Variants in ZHX3 observed in about 807,000 individuals in gnomAD.
ZHX3 encodes zinc fingers and homeoboxes 3.
ZHX3 carries 20 observed loss-of-function variants against 64.5 expected under a neutral mutation model. That is an observed-to-expected ratio of 0.31 (90% CI 0.22 to 0.45). The LOEUF is 0.45. Ranked by LOEUF, ZHX3 falls within the 20% of genes least tolerant of loss-of-function variation. The pLI, the probability that ZHX3 is intolerant of heterozygous loss-of-function variation, is 1.00. For missense variants in ZHX3, 1,041 were observed against 1,195.8 expected, an observed-to-expected ratio of 0.87 and a Z score of 1.91; for synonymous variants, 423 against 461.6, an observed-to-expected ratio of 0.92 and a Z score of 1.07.
At chr20:41,315,552 T>C (rs1459963293) in intron 1 of ZHX3, among the ~76,000 whole-genome samples, 1 of 151,888 alleles carries the variant, frequency 6.6e-6, no homozygotes, top group Non-Finnish European at 1.5e-5. Context: ...CGGAAGAGGG[T>C]TAGCCTGGCA....
rs892174569 is a variant in ZHX3 at position 41,212,024 on chromosome 20, C to T, written c.-150-6958G>A. On this transcript the variant is annotated intron_variant, in intron 2 of 3. Transcript: ENST00000683867. This position sits in a 1 kb window ranked among gnomAD's most constrained non-coding sequence, Gnocchi z 4.3. ...GTAGAATATCTGAAAGCACAAACGA[C>T]AAAAGAAAAAACAGATAAATTGGAT... Among the ~76,000 whole-genome samples the T allele has an allele frequency of 2.2e-4, 34 of 151,814 alleles. No individual in the cohort carries two copies. The highest frequency in any genetic ancestry group is 8.2e-4 in the African/African-American group (34 of 41,300).
At chr20:41,310,684 T>G (rs1221122280) in intron 1 of ZHX3, among the ~76,000 whole-genome samples, 3 of 151,990 alleles carry the variant, frequency 2.0e-5, no homozygotes, top group Non-Finnish European at 2.9e-5. Flanking sequence ...GAAGAGGTTT[T>G]TTTTTTTTTA....
chr20:41,215,025 G>C (rs1040976367), intron 2 of ZHX3, among the ~76,000 whole-genome samples: 11 of 152,148 alleles, frequency 7.2e-5, no homozygotes, highest in African/African-American at 2.7e-4. Context: ...AGGCCGAAAC[G>C]AGTGGATCAC....
intron 3 of ZHX3, among the ~76,000 whole-genome samples, chr20:41,190,649 G>A (rs2036939931): frequency 6.6e-6 from 1 of 152,030 alleles, no homozygotes; most frequent in African/African-American, 2.4e-5. Context: ...ATACTTTTGT[G>A]TGTTTTACAT....
intron 3 of ZHX3, among the ~76,000 whole-genome samples, chr20:41,194,920 C>T (rs1233859979): frequency 6.6e-6 from 1 of 152,040 alleles, no homozygotes; most frequent in Non-Finnish European, 1.5e-5. Flanking sequence ...TCTTTCCTTT[C>T]TGATGTTAGT....
At chr20:41,257,198 G>A (rs567698259) in intron 2 of ZHX3, among the ~76,000 whole-genome samples, 1 of 152,292 alleles carries the variant, frequency 6.6e-6, no homozygotes, top group South Asian at 2.1e-4. Context: ...AAACACTGAG[G>A]CAACATCTTC....
Position 41,204,524 on chromosome 20 carries a change from A to C in ZHX3, c.393T>G (p.Cys131Trp). 1 of 1,614,202 alleles carries C rather than the reference A, an allele frequency of 6.2e-7. No homozygotes were observed. The highest frequency in any genetic ancestry group is 8.5e-7 in the Non-Finnish European group (1 of 1,180,044). Reference sequence around the variant, plus strand: ...ACACAAAGCTGGCTTCCCCGGAGTGACATGTGGCATTGTGCAAGGAAAGCC... The same window carrying C: ...ACACAAAGCTGGCTTCCCCGGAGTGCCATGTGGCATTGTGCAAGGAAAGCC... ...PEGLSLHNAT[C>W]HSGEASFVWN... is the part of the protein sequence containing the mutation. The change falls in exon 3 of 4, where the codon TGT becomes TGG. Residue 131 changes from cysteine to tryptophan, a missense_variant. Physicochemically the swap from Cys to Trp is radical, Grantham distance 215. Coordinates refer to ENST00000683867, the MANE Select transcript of ZHX3 (RefSeq NM_001384317.1). The surrounding 1 kb of genome is among the most constrained non-coding windows in gnomAD (Gnocchi z 6.6).
At position 41,178,861 on chromosome 20, in the gene ZHX3, A is replaced by G. The variant is rs2036142867; in HGVS notation, c.*6330T>C. 1 of 152,640 alleles carries G rather than the reference A, an allele frequency of 6.6e-6. No individual in the cohort carries two copies. Among genetic ancestry groups the G allele is most frequent in the Non-Finnish European group, 1.5e-5 (1 of 68,042 alleles). 9.5% of individuals were successfully genotyped at this position (152,640 alleles called of 1,614,324 possible). ...TCTTGCAGAGTTTGGCTAAAGTTTC[A>G]TTGTGCCTCAAAACAAACAAAAACA... On this transcript the variant is annotated 3_prime_UTR_variant, in exon 4 of 4. Transcript: ENST00000683867.
intron 2 of ZHX3, among the ~76,000 whole-genome samples, chr20:41,210,754 G>A (rs918938369): frequency 3.3e-5 from 5 of 152,134 alleles, no homozygotes; most frequent in Admixed American, 6.6e-5. Flanking sequence ...ACAAGTTAAC[G>A]AGTGCAGCAC....
Position 41,207,247 on chromosome 20 carries a change from C to T in ZHX3, c.-150-2181G>A, listed in dbSNP as rs534601835. Among the ~76,000 whole-genome samples, 32 of 152,264 alleles carry T rather than the reference C, an allele frequency of 2.1e-4. 1 individual carries two copies. The East Asian group carries it at 2.7e-3, about 13-fold the overall frequency. Reference sequence around the variant, plus strand: ...GCTAGAAAGAAACTGCATCAACTAACGAGCAAAATAACCAGCTAACATCAT... The same window carrying T: ...GCTAGAAAGAAACTGCATCAACTAATGAGCAAAATAACCAGCTAACATCAT... On this transcript the variant is annotated intron_variant, in intron 2 of 3. Coordinates refer to ENST00000683867, the MANE Select transcript of ZHX3 (RefSeq NM_001384317.1).
In ZHX3 at chr20:41,182,273, A is replaced by G. The variant is rs935193026; in HGVS notation, c.*2918T>C. ...CTGACGAGTCCAACTGCATACAGAG[A>G]AAAGGGATAAGATTAGCCACTTTTT... On this transcript the variant is annotated 3_prime_UTR_variant, in exon 4 of 4. Transcript: ENST00000683867. The surrounding 1 kb of genome is among the most constrained non-coding windows in gnomAD (Gnocchi z 6.1). 2.0e-5 allele frequency: 3 copies of G among 152,238 alleles called. No homozygotes were observed. Among genetic ancestry groups the G allele is most frequent in the Non-Finnish European group, 2.9e-5 (2 of 68,032 alleles). 9.4% of individuals were successfully genotyped at this position (152,238 alleles called of 1,614,324 possible).
intron 1 of ZHX3, among the ~76,000 whole-genome samples, chr20:41,273,705 A>G (rs1217790210): frequency 6.6e-6 from 1 of 152,098 alleles, no homozygotes; most frequent in Admixed American, 6.5e-5. Context: ...ACTGATCTAT[A>G]TGTCTATTCT....
intron 2 of ZHX3, among the ~76,000 whole-genome samples, chr20:41,221,769 G>C (rs2039958735): frequency 6.6e-6 from 1 of 152,178 alleles, no homozygotes; most frequent in Admixed American, 6.5e-5. Flanking sequence ...GAGCCATCTG[G>C]GTAAGTGAGG....
intron 2 of ZHX3, among the ~76,000 whole-genome samples, chr20:41,216,226 C>G (rs912529673): frequency 2.0e-5 from 3 of 152,138 alleles, no homozygotes; most frequent in African/African-American, 7.2e-5. Flanking sequence ...AATAAAAATT[C>G]ATAGGTAGCA....
At chr20:41,229,720 A>G (rs2040480201) in intron 2 of ZHX3, among the ~76,000 whole-genome samples, 1 of 152,124 alleles carries the variant, frequency 6.6e-6, no homozygotes. Flanking sequence ...ATGTCTATTC[A>G]AGTCCTTTGA....
intron 2 of ZHX3, among the ~76,000 whole-genome samples, chr20:41,208,924 T>C (rs1311034516): frequency 6.6e-6 from 1 of 152,228 alleles, no homozygotes; most frequent in East Asian, 1.9e-4. Flanking sequence ...GATGACATGA[T>C]TGTATATTTA....
chr20:41,246,820 C>T (rs543478493), intron 2 of ZHX3, among the ~76,000 whole-genome samples: 183 of 151,758 alleles, frequency 1.2e-3, no homozygotes, highest in Non-Finnish European at 1.8e-3. Flanking sequence ...TTGCAGTGAG[C>T]CGAGACTGTG....
At position 41,185,263 on chromosome 20, in the gene ZHX3, C is replaced by T. The variant is rs1012935074; in HGVS notation, c.2861-62G>A. On this transcript the variant is annotated intron_variant, in intron 3 of 3. Transcript: ENST00000683867. The surrounding 1 kb of genome is among the most constrained non-coding windows in gnomAD (Gnocchi z 5.0). ...CTGCCACCACCTGCCCCCCAGGCAG[C>T]CTGGTCCTTGCTATACCAGGGTGGC... 3.2e-6 allele frequency: 5 copies of T among 1,545,096 alleles called. No individual in the cohort carries two copies. Among genetic ancestry groups the T allele is most frequent in the Non-Finnish European group, 4.4e-6 (5 of 1,141,356 alleles).
intron 2 of ZHX3, among the ~76,000 whole-genome samples, chr20:41,256,629 C>G (rs1295732068): frequency 6.7e-6 from 1 of 148,844 alleles, no homozygotes; most frequent in Non-Finnish European, 1.5e-5. Flanking sequence ...AGGTTTTCAA[C>G]CTGTGTATCT....
Sources: allele counts gnomAD v4.1 joint callset (sites outside exome capture counted in the v4.1 genomes callset), GRCh38; gene constraint gnomAD v4.1.1; non-coding constraint Gnocchi (gnomAD v3.1); transcripts MANE v1.5; gene names NCBI Gene and HGNC (gene_info 2026-07-23, HGNC 2026-07-21).